The following TSHZ2 variants were observed in gnomAD, a reference collection of about 807,000 sequenced individuals.
TSHZ2 encodes the protein teashirt zinc finger homeobox 2, also known as teashirt homolog 2.
A neutral mutation model predicts 74.4 loss-of-function variants in TSHZ2; 21 were observed. That is an observed-to-expected ratio of 0.28 (90% CI 0.20 to 0.41). TSHZ2 has a LOEUF of 0.41. Ranked by LOEUF, TSHZ2 falls within the 10% of genes least tolerant of loss-of-function variation. The pLI is 1.00. For missense variants in TSHZ2, 1,244 were observed against 1,293.5 expected, an observed-to-expected ratio of 0.96 and a Z score of 0.59; for synonymous variants, 540 against 515.3, an observed-to-expected ratio of 1.05 and a Z score of -0.65.
At chr20:53,042,977 C>T (rs1472329235) in intron 1 of TSHZ2, among the ~76,000 whole-genome samples, 2 of 152,142 alleles carry the variant, frequency 1.3e-5, no homozygotes, top group Non-Finnish European at 2.9e-5. Context: ...TGCATGATTC[C>T]AGTGGAGTGC....
rs939439076 is a variant in TSHZ2, at chr20:53,489,178, C to A, written c.*2043C>A. On this transcript the variant is annotated 3_prime_UTR_variant, in exon 3 of 3. Transcript: ENST00000371497. ...ATTTACTCATGGGCATAGGGAATAG[C>A]GGCTCAAATGTAGTTCTGACATGAA... 4.4e-6 allele frequency: 2 copies of A among 456,200 alleles called. No homozygotes were observed. Among genetic ancestry groups the A allele is most frequent in the East Asian group, 6.9e-5 (1 of 14,402 alleles). 28.3% of individuals were successfully genotyped at this position (456,200 alleles called of 1,614,324 possible).
At chr20:53,217,020 A>G (rs1036115508) in intron 1 of TSHZ2, among the ~76,000 whole-genome samples, 9 of 152,070 alleles carry the variant, frequency 5.9e-5, no homozygotes, top group African/African-American at 2.2e-4. Flanking sequence ...CCCGTTTGTT[A>G]TTTTTAGTGT....
intron 1 of TSHZ2, among the ~76,000 whole-genome samples, chr20:53,239,903 A>T (rs1178180109): frequency 6.6e-6 from 1 of 152,192 alleles, no homozygotes; most frequent in Non-Finnish European, 1.5e-5. Flanking sequence ...TAACGGCTAT[A>T]CAAAACTATA....
chr20:53,176,706 T>A (rs6097276), intron 1 of TSHZ2, among the ~76,000 whole-genome samples: 4,441 of 150,506 alleles, frequency 0.03, 106 homozygotes, highest in Middle Eastern at 0.076. Context: ...TTTTTTTTTT[T>A]AGACGAAGTC....
At chr20:53,464,671 G>A (rs900543899) in intron 2 of TSHZ2, among the ~76,000 whole-genome samples, 1 of 152,116 alleles carries the variant, frequency 6.6e-6, no homozygotes, top group Non-Finnish European at 1.5e-5. Flanking sequence ...GTCTTGCTAT[G>A]TTACCCAGGC....
chr20:53,327,413 C>T (rs1054984877), intron 2 of TSHZ2, among the ~76,000 whole-genome samples: 5 of 152,086 alleles, frequency 3.3e-5, no homozygotes, highest in Non-Finnish European at 7.4e-5. Context: ...GGCATGAACC[C>T]GGGAGGCGTA....
At chr20:52,973,851 A>G (rs1339419697) in intron 1 of TSHZ2, among the ~76,000 whole-genome samples, 2 of 152,174 alleles carry the variant, frequency 1.3e-5, no homozygotes, top group East Asian at 3.9e-4. Context: ...GGTGGACAAA[A>G]TGCCCCCAGG....
intron 2 of TSHZ2, among the ~76,000 whole-genome samples, chr20:53,331,485 A>G (rs1385421580): frequency 6.6e-6 from 1 of 152,128 alleles, no homozygotes; most frequent in Non-Finnish European, 1.5e-5. Flanking sequence ...GGCACCGCCA[A>G]CCATGCACGA....
chr20:53,385,640 G>A (rs1982017236), intron 2 of TSHZ2, among the ~76,000 whole-genome samples: 1 of 152,104 alleles, frequency 6.6e-6, no homozygotes, highest in Non-Finnish European at 1.5e-5. Flanking sequence ...GTCGCTGTTA[G>A]GGCTCCAGTT....
chr20:53,253,301 GAA>G (rs11290209), intron 1 of TSHZ2, among the ~76,000 whole-genome samples, 196 bp from the exon 2 acceptor site: 25,294 of 97,322 alleles, frequency 0.26, 2,209 homozygotes, highest in African/African-American at 0.32. Flanking sequence ...CCTGCCAATT[GAA>G]AAAAAAAAAA....
intron 2 of TSHZ2, among the ~76,000 whole-genome samples, chr20:53,403,248 G>A (rs1454477768): frequency 6.6e-6 from 1 of 152,034 alleles, no homozygotes; most frequent in Non-Finnish European, 1.5e-5. Flanking sequence ...CCTTTTTATG[G>A]CTGCATAGTA....
At chr20:53,269,649 C>T (rs963326064) in intron 2 of TSHZ2, among the ~76,000 whole-genome samples, 5 of 152,124 alleles carry the variant, frequency 3.3e-5, no homozygotes, top group Non-Finnish European at 7.3e-5. Context: ...TTGTAACACA[C>T]GAACTTAGAA....
chr20:53,321,697 A>AAAAAAAAAAAAAAAAAAAAG (rs1555850300), intron 2 of TSHZ2, among the ~76,000 whole-genome samples: 5 of 140,514 alleles, frequency 3.6e-5, no homozygotes, highest in African/African-American at 1.4e-4. Flanking sequence ...AAAAAAAAAA[A>AAAAAAAAAAAAAAAAAAAAG]AAAGAAAGAC....
At chr20:53,251,209 G>T (rs540472580) in intron 1 of TSHZ2, among the ~76,000 whole-genome samples, 13 of 152,264 alleles carry the variant, frequency 8.5e-5, no homozygotes, top group Non-Finnish European at 1.9e-4. Context: ...GGAACATCCT[G>T]CTGACTACCT....
chr20:53,391,465 T>A (rs1387320663), intron 2 of TSHZ2, among the ~76,000 whole-genome samples: 1 of 151,722 alleles, frequency 6.6e-6, no homozygotes, highest in Non-Finnish European at 1.5e-5. Context: ...TTTGTTTGTT[T>A]GTTTTTTGTT....
At chr20:53,161,236 T>A (rs1987931516) in intron 1 of TSHZ2, among the ~76,000 whole-genome samples, 1 of 150,584 alleles carries the variant, frequency 6.6e-6, no homozygotes, top group Admixed American at 6.6e-5. Flanking sequence ...CAAATGAATG[T>A]CTGCGGAATG....
chr20:53,112,384 A>G (rs1331558817), intron 1 of TSHZ2, among the ~76,000 whole-genome samples: 1 of 152,204 alleles, frequency 6.6e-6, no homozygotes, highest in Non-Finnish European at 1.5e-5. Flanking sequence ...CCTTAAGTCC[A>G]TTTTAATGCC....
At chr20:53,018,977 TTTG>T (rs1684873632) in intron 1 of TSHZ2, among the ~76,000 whole-genome samples, 1 of 152,258 alleles carries the variant, frequency 6.6e-6, no homozygotes, top group Non-Finnish European at 1.5e-5. Context: ...TTTTCTCTCA[TTTG>T]CTCAATATTT....
At chr20:53,257,105 T>C (rs1268647294) in intron 2 of TSHZ2, among the ~76,000 whole-genome samples, 1 of 152,230 alleles carries the variant, frequency 6.6e-6, no homozygotes, top group Non-Finnish European at 1.5e-5. Flanking sequence ...TAATGAATGC[T>C]TTTTTGCAGC....
Sources: allele counts gnomAD v4.1 joint callset (sites outside exome capture counted in the v4.1 genomes callset), GRCh38; gene constraint gnomAD v4.1.1; transcripts MANE v1.5; gene names NCBI Gene and HGNC (gene_info 2026-07-23, HGNC 2026-07-21).